NAV2: variants seen among roughly 807,000 people sequenced by gnomAD.
NAV2 encodes the protein neuron navigator 2.
NAV2 carries 54 observed loss-of-function variants against 223.2 expected under a neutral mutation model. That is an observed-to-expected ratio of 0.24 (90% CI 0.19 to 0.30). The LOEUF (loss-of-function observed/expected upper bound fraction) is 0.30. NAV2 is among the 10% of genes least tolerant of loss of function. The pLI is 1.00. For synonymous variants in NAV2, 1,279 were observed against 1,239.3 expected, an observed-to-expected ratio of 1.03 and a Z score of -0.67; for missense variants, 2,806 against 3,147.5, an observed-to-expected ratio of 0.89 and a Z score of 2.60.
chr11:19,565,175 G>A (rs760453804), intron 1 of NAV2, among the ~76,000 whole-genome samples: 32 of 152,168 alleles, frequency 2.1e-4, no homozygotes, highest in Non-Finnish European at 4.6e-4. Context: ...CGGCCGCCTA[G>A]TGTGTGCCCA....
At chr11:19,430,452 T>C (rs1407500598) in intron 1 of NAV2, among the ~76,000 whole-genome samples, 4 of 152,208 alleles carry the variant, frequency 2.6e-5, no homozygotes, top group African/African-American at 2.4e-5. Context: ...CTCACTGGCA[T>C]TCCCTGTCCC....
intron 6 of NAV2, among the ~76,000 whole-genome samples, chr11:19,926,854 C>T (rs941166401): frequency 3.3e-5 from 5 of 152,150 alleles, no homozygotes; most frequent in Non-Finnish European, 7.3e-5. Context: ...CTGGGATCAA[C>T]AGGACACTCT....
chr11:19,488,752 A>G (rs1345939797), intron 1 of NAV2, among the ~76,000 whole-genome samples: 13 of 152,258 alleles, frequency 8.5e-5, no homozygotes, highest in Admixed American at 8.5e-4. Flanking sequence ...TTATTGACAT[A>G]ATTATATACA....
intron 1 of NAV2, among the ~76,000 whole-genome samples, chr11:19,456,685 T>C (rs1242808932): frequency 6.6e-6 from 1 of 152,154 alleles, no homozygotes; most frequent in Non-Finnish European, 1.5e-5. Flanking sequence ...GGAGAACAAA[T>C]AAATAACATG....
In NAV2 at chr11:19,933,354, G is replaced by T. The variant is rs760586623; in HGVS notation, c.1110G>T (p.Thr370=). Reference sequence around the variant, plus strand: ...CCCTCAGCGTGAAGCACAGTGCCACGGTATCCATGCTCTCGGTCAAGCCTC... The same window carrying T: ...CCCTCAGCGTGAAGCACAGTGCCACTGTATCCATGCTCTCGGTCAAGCCTC... ...SKSLSVKHSA[T]VSMLSVKPPG... is the part of the protein sequence containing the mutation. Residue 370 remains threonine (T), a synonymous_variant, in exon 7 of 38, where the codon ACG becomes ACT. Transcript: ENST00000349880. This position sits in a 1 kb window ranked among gnomAD's most constrained non-coding sequence, Gnocchi z 4.3. 2.1e-5 allele frequency: 34 copies of T among 1,604,702 alleles called. No homozygotes were observed. Among genetic ancestry groups the T allele is most frequent in the Non-Finnish European group, 2.6e-5 (31 of 1,174,920 alleles).
intron 1 of NAV2, among the ~76,000 whole-genome samples, chr11:19,571,326 T>C (rs1367088174): frequency 6.6e-6 from 1 of 152,232 alleles, no homozygotes; most frequent in Middle Eastern, 3.2e-3. Context: ...ACAGGCTTCC[T>C]TTTGGGATGA....
chr11:19,811,129 G>A (rs139753185), intron 1 of NAV2, among the ~76,000 whole-genome samples: 1,692 of 152,346 alleles, frequency 0.011, 16 homozygotes, highest in Middle Eastern at 0.044. Context: ...CTAAACGGCT[G>A]TCTAGTTGCT....
At chr11:19,834,406 T>TATATTATAATATATTATATTATA (rs1182662452) in intron 2 of NAV2, among the ~76,000 whole-genome samples, 2 of 152,224 alleles carry the variant, frequency 1.3e-5, no homozygotes, top group Admixed American at 1.3e-4. Flanking sequence ...TATATTACTT[T>TATATTATAATATATTATATTATA]TTACTCCAGA....
At chr11:19,896,743 T>C (rs990569553) in intron 6 of NAV2, among the ~76,000 whole-genome samples, 1 of 152,162 alleles carries the variant, frequency 6.6e-6, no homozygotes, top group Non-Finnish European at 1.5e-5. Flanking sequence ...GTGACAAAAA[T>C]ATTTCAACAT....
intron 1 of NAV2, among the ~76,000 whole-genome samples, chr11:19,665,480 C>A (rs1229452073): frequency 1.3e-5 from 2 of 152,160 alleles, no homozygotes; most frequent in African/African-American, 2.4e-5. Flanking sequence ...GGAAGCTTAA[C>A]CCAGGAAAAG....
At chr11:20,007,964 T>A (rs2053225437) in intron 11 of NAV2, among the ~76,000 whole-genome samples, 1 of 152,266 alleles carries the variant, frequency 6.6e-6, no homozygotes, top group African/African-American at 2.4e-5. Flanking sequence ...AACGTTATCA[T>A]ACTTTACCCC....
At chr11:19,997,758 G>T (rs1484820881) in intron 11 of NAV2, among the ~76,000 whole-genome samples, 2 of 152,114 alleles carry the variant, frequency 1.3e-5, no homozygotes, top group Non-Finnish European at 2.9e-5. Flanking sequence ...CTCTAAAAGG[G>T]GAGGGCAGGC....
intron 11 of NAV2, among the ~76,000 whole-genome samples, chr11:19,991,975 GC>G (rs879441070): frequency 6.6e-6 from 1 of 151,724 alleles, no homozygotes; most frequent in African/African-American, 2.4e-5. Flanking sequence ...TACTATTAGT[GC>G]CCCTGAGCAT....
chr11:19,941,503 A>G, intron 8 of NAV2, among the ~76,000 whole-genome samples: 1 of 130,674 alleles, frequency 7.7e-6, no homozygotes. Context: ...TTGAAATGAC[A>G]GTGCATGGTA....
At chr11:19,665,706 A>G (rs533004954) in intron 1 of NAV2, among the ~76,000 whole-genome samples, 16 of 152,356 alleles carry the variant, frequency 1.1e-4, no homozygotes, top group Middle Eastern at 3.4e-3. Flanking sequence ...AGAAGTATTT[A>G]TAATCTTCTC....
intron 1 of NAV2, among the ~76,000 whole-genome samples, chr11:19,607,375 A>C (rs2046507418): frequency 6.6e-6 from 1 of 152,154 alleles, no homozygotes; most frequent in Non-Finnish European, 1.5e-5. Context: ...GCTCTGTTCC[A>C]CCTTGCCATC....
At chr11:19,715,334 G>C (rs1223132404) in intron 1 of NAV2, among the ~76,000 whole-genome samples, 2 of 152,196 alleles carry the variant, frequency 1.3e-5, no homozygotes, top group African/African-American at 4.8e-5. Flanking sequence ...GCCTCTGTGA[G>C]GGTTTTGTGC....
intron 4 of NAV2, among the ~76,000 whole-genome samples, chr11:19,875,877 T>A (rs137952036): frequency 7.6e-4 from 116 of 152,308 alleles, no homozygotes; most frequent in African/African-American, 2.5e-3. Context: ...GCAGAGAGAA[T>A]GGACCACTTC....
At chr11:19,356,151 T>C (rs1002418474) in intron 1 of NAV2, among the ~76,000 whole-genome samples, 65 of 152,232 alleles carry the variant, frequency 4.3e-4, no homozygotes, top group African/African-American at 1.3e-3. Context: ...AGCAAGAGCT[T>C]AGGATGGACA....
Sources: allele counts gnomAD v4.1 joint callset (sites outside exome capture counted in the v4.1 genomes callset), GRCh38; gene constraint gnomAD v4.1.1; non-coding constraint Gnocchi (gnomAD v3.1); transcripts MANE v1.5; gene names NCBI Gene and HGNC (gene_info 2026-07-23, HGNC 2026-07-21).